Variants in TSPAN12 observed in about 807,000 individuals in gnomAD.
TSPAN12 encodes the protein tetraspanin-12.
A neutral mutation model predicts 39.2 loss-of-function variants in TSPAN12; 19 were observed. The observed-to-expected ratio is 0.49, with a 90% CI of 0.34 to 0.71. The LOEUF (loss-of-function observed/expected upper bound fraction) is 0.71. Ranked by LOEUF, TSPAN12 falls within the 30% of genes least tolerant of loss-of-function variation. The pLI, the probability that TSPAN12 is intolerant of heterozygous loss-of-function variation, is 0.01. For missense variants in TSPAN12, 314 were observed against 359.9 expected, an observed-to-expected ratio of 0.87 and a Z score of 1.03; for synonymous variants, 119 against 124.8, an observed-to-expected ratio of 0.95 and a Z score of 0.31.
intron 2 of TSPAN12, among the ~76,000 whole-genome samples, chr7:120,851,398 G>T (rs10224694): frequency 0.018 from 2,757 of 152,030 alleles, 87 homozygotes; most frequent in African/African-American, 0.062. Flanking sequence ...CTTCTCTATT[G>T]CTATTATCTT....
intron 2 of TSPAN12, among the ~76,000 whole-genome samples, chr7:120,848,979 C>T (rs931804881): frequency 1.3e-5 from 2 of 152,172 alleles, no homozygotes; most frequent in Non-Finnish European, 2.9e-5. Flanking sequence ...GGACTCCTTG[C>T]TAAACATGTT....
intron 4 of TSPAN12, among the ~76,000 whole-genome samples, chr7:120,825,055 G>A (rs1794259137): frequency 1.3e-5 from 2 of 151,986 alleles, no homozygotes; most frequent in Admixed American, 1.3e-4. Context: ...AATAGAAAAG[G>A]CAATTGTTTT....
intron 4 of TSPAN12, among the ~76,000 whole-genome samples, chr7:120,831,805 T>C (rs1794395950): frequency 6.6e-6 from 1 of 152,066 alleles, no homozygotes; most frequent in African/African-American, 2.4e-5. Flanking sequence ...ATTGCTAAAA[T>C]AGTAAACTTT....
chr7:120,840,568 A>G (rs367795989), intron 2 of TSPAN12, among the ~76,000 whole-genome samples: 9 of 152,244 alleles, frequency 5.9e-5, no homozygotes, highest in East Asian at 3.8e-4. Flanking sequence ...AATGATAGTA[A>G]TAGTAATAAC....
intron 6 of TSPAN12, 142 bp downstream of exon 6, chr7:120,810,321 G>A: frequency 1.5e-6 from 1 of 662,602 alleles, no homozygotes; most frequent in South Asian, 1.7e-5. Context: ...TATTTTTCAA[G>A]AAATAATTGC....
chr7:120,851,289 A>G (rs1043381003), intron 2 of TSPAN12, among the ~76,000 whole-genome samples: 5 of 152,304 alleles, frequency 3.3e-5, no homozygotes, highest in Middle Eastern at 3.4e-3. Flanking sequence ...CTGTCATTTC[A>G]TCTGCCACGC....
intron 7 of TSPAN12, among the ~76,000 whole-genome samples, chr7:120,796,505 T>C (rs1162475033): frequency 2.2e-4 from 33 of 152,176 alleles, no homozygotes; most frequent in Admixed American, 2.2e-3. Flanking sequence ...ATACTAACAG[T>C]TTCTCATGTC....
At chr7:120,810,186 A>G (rs1055843586) in intron 6 of TSPAN12, among the ~76,000 whole-genome samples, 3 of 152,216 alleles carry the variant, frequency 2.0e-5, no homozygotes, top group Non-Finnish European at 4.4e-5. Flanking sequence ...ACTCTCATAA[A>G]AAGAAAACTT....
At chr7:120,799,439 A>C (rs1224971376) in intron 7 of TSPAN12, among the ~76,000 whole-genome samples, 6 of 137,894 alleles carry the variant, frequency 4.4e-5, no homozygotes, top group African/African-American at 1.6e-4. Flanking sequence ...ATTTATATAT[A>C]ATTTAATTTA....
At chr7:120,835,173 G>T (rs1023587467) in intron 4 of TSPAN12, among the ~76,000 whole-genome samples, 1 of 152,126 alleles carries the variant, frequency 6.6e-6, no homozygotes. Flanking sequence ...AGAAAAGGAA[G>T]TTTATAATAA....
At chr7:120,824,738 G>T (rs986471963) in intron 4 of TSPAN12, among the ~76,000 whole-genome samples, 8 of 151,962 alleles carry the variant, frequency 5.3e-5, no homozygotes, top group Admixed American at 3.9e-4. Context: ...TTTTCACTTT[G>T]GGGAAACTTG....
intron 7 of TSPAN12, among the ~76,000 whole-genome samples, chr7:120,798,128 TTGAA>T (rs1793668071): frequency 6.6e-6 from 1 of 152,228 alleles, no homozygotes; most frequent in South Asian, 2.1e-4. Flanking sequence ...AAACTCACAA[TTGAA>T]TGATGTCGAG....
chr7:120,837,338 G>T (rs1219235292), intron 4 of TSPAN12, among the ~76,000 whole-genome samples: 6 of 147,860 alleles, frequency 4.1e-5, no homozygotes, highest in African/African-American at 1.5e-4. Flanking sequence ...TTGAGATGGA[G>T]TCTTGCTCTG....
At chr7:120,826,695 T>C (rs779981660) in intron 4 of TSPAN12, among the ~76,000 whole-genome samples, 2 of 152,082 alleles carry the variant, frequency 1.3e-5, no homozygotes, top group Non-Finnish European at 2.9e-5. Flanking sequence ...AAGAGGGGAA[T>C]GAGTTCACTA....
intron 2 of TSPAN12, among the ~76,000 whole-genome samples, chr7:120,852,187 AT>A (rs918182836): frequency 3.3e-5 from 5 of 151,604 alleles, no homozygotes; most frequent in Admixed American, 1.3e-4. Flanking sequence ...ATTAAGATTT[AT>A]TTTTTTTTCC....
chr7:120,852,615 T>G (rs773140991), intron 2 of TSPAN12, among the ~76,000 whole-genome samples: 6 of 152,214 alleles, frequency 3.9e-5, no homozygotes, highest in Admixed American at 6.5e-5. Flanking sequence ...CAGGTGTGCA[T>G]GCACTCTGAG....
rs571420732 is a variant in TSPAN12, at chr7:120,787,789, C to T, written c.*803G>A. The stretch of plus-strand genomic sequence containing the variant: ...TCTGAATAATGATTCCTATGTATCA[C>T]ACTGGTAATTTTCAAAATTAGTGGT... On this transcript the variant is annotated 3_prime_UTR_variant, in exon 8 of 8. Coordinates refer to ENST00000222747, the MANE Select transcript of TSPAN12 (RefSeq NM_012338.4). 1 of 152,278 alleles carries T rather than the reference C, an allele frequency of 6.6e-6. No individual in the cohort carries two copies. Among genetic ancestry groups the T allele is most frequent in the Non-Finnish European group, 1.5e-5 (1 of 68,016 alleles). The allele number at this position is 152,278 out of a possible 1,614,324, so 9.4% of individuals were successfully genotyped here.
rs368524132 is a variant in TSPAN12, at chr7:120,840,123, A to G, written c.67-14T>C. On this transcript the variant is annotated splice_polypyrimidine_tract_variant and intron_variant, in intron 2 of 7. Coordinates refer to ENST00000222747, the MANE Select transcript of TSPAN12 (RefSeq NM_012338.4). ...GATGGACATTAACTGGGGAGAAAAA[A>G]GTACAAACCGGTTACCAAAGATTTA... 101 of 1,601,564 alleles carry G rather than the reference A, an allele frequency of 6.3e-5. No homozygotes were observed. Among genetic ancestry groups the G allele is most frequent in the Non-Finnish European group, 7.6e-5 (89 of 1,168,854 alleles).
At position 120,857,949 on chromosome 7, in the gene TSPAN12, C is replaced by G. The variant is rs1342857453; in HGVS notation, c.-200G>C. On this transcript the variant is annotated 5_prime_UTR_variant, in exon 1 of 8. Coordinates refer to ENST00000222747, the MANE Select transcript of TSPAN12 (RefSeq NM_012338.4). Reference sequence around the variant, plus strand: ...GCATTGGCTTCAGCTGGAGACGCTTCTTTCTCTTCCTCTCCCCCCGCCGCC... The same window carrying G: ...GCATTGGCTTCAGCTGGAGACGCTTGTTTCTCTTCCTCTCCCCCCGCCGCC... 6.5e-6 allele frequency: 1 copy of G among 152,896 alleles called. No homozygotes were observed. Among genetic ancestry groups the G allele is most frequent in the African/African-American group, 2.4e-5 (1 of 41,174 alleles). 9.5% of individuals were successfully genotyped at this position (152,896 alleles called of 1,614,324 possible).
Sources: allele counts gnomAD v4.1 joint callset (sites outside exome capture counted in the v4.1 genomes callset), GRCh38; gene constraint gnomAD v4.1.1; transcripts MANE v1.5; gene names NCBI Gene and HGNC (gene_info 2026-07-23, HGNC 2026-07-21).